Variants in PSMD6 observed in about 807,000 individuals in gnomAD.
PSMD6 encodes the protein 26S proteasome non-ATPase regulatory subunit 6.
PSMD6 carries 7 observed loss-of-function variants against 44.9 expected under a neutral mutation model. That is an observed-to-expected ratio of 0.16 (90% CI 0.09 to 0.29). The LOEUF (loss-of-function observed/expected upper bound fraction) is 0.29. Among genes scored for constraint, PSMD6 ranks in the 10% least tolerant of loss-of-function variants. The pLI is 1.00. For missense variants in PSMD6, 420 were observed against 482.6 expected (o/e 0.87, Z 1.21); for synonymous variants, 184 against 172.7 (o/e 1.07, Z -0.51).
chr3:64,015,548 G>C (rs1297760733), intron 5 of PSMD6: 1 of 152,142 alleles, frequency 6.6e-6, no homozygotes, highest in African/African-American at 2.4e-5. Context: ...GTTAGTACAC[G>C]ATAGCCACTC....
At chr3:64,023,954 C>G (rs2076176774), upstream of PSMD6, 2 of 733,258 alleles carry the variant, frequency 2.7e-6, no homozygotes, top group Non-Finnish European at 4.2e-6. Context: ...ACAGCCATGT[C>G]GCAAGGCCTA....
intron 6 of PSMD6, chr3:64,011,970 T>G (rs1482925428): frequency 6.6e-6 from 1 of 152,196 alleles, no homozygotes; most frequent in Admixed American, 6.5e-5. Flanking sequence ...TTAAGAGTGG[T>G]CATCAGACTT....
Position 64,010,863 on chromosome 3 carries a change from G to A in PSMD6, c.1073+15C>T, listed in dbSNP as rs752982040. ...AAAATTTAGGAATGCCCCTTATTCT[G>A]AGAAATGAGAGTACCTGTTGGTTTC... is the stretch of plus-strand genomic sequence containing the variant. On this transcript the variant is annotated intron_variant, in intron 7 of 7. Transcript: ENST00000295901. 3.1e-6 allele frequency: 5 copies of A among 1,596,270 alleles called. No homozygotes were observed. In the South Asian group the frequency reaches 5.6e-5, roughly 18 times the overall value.
intron 2 of PSMD6, among the ~76,000 whole-genome samples, chr3:64,021,643 T>C (rs1258166060): frequency 1.3e-5 from 2 of 152,060 alleles, no homozygotes; most frequent in East Asian, 1.9e-4. Context: ...ATCCAGTCTC[T>C]ACTAATAATA....
In PSMD6 at chr3:64,018,042, G is replaced by A. The variant is rs138256387; in HGVS notation, c.826+557C>T. 7.7e-3 allele frequency among the ~76,000 whole-genome samples: 1,172 copies of A among 152,252 alleles called. 9 individuals are homozygous for A. Among genetic ancestry groups the A allele is most frequent in the Middle Eastern group, 0.017 (5 of 294 alleles). ...ACTAGCTTTGAAGGAATACAATTAC[G>A]TTCAAGAGATTATTTTCTTAACCCA... is the stretch of plus-strand genomic sequence containing the variant. On this transcript the variant is annotated intron_variant, in intron 5 of 7. Coordinates refer to ENST00000295901, the MANE Select transcript of PSMD6 (RefSeq NM_014814.3).
In PSMD6 at chr3:64,018,932, G is replaced by A. The variant is rs147041514; in HGVS notation, c.603C>T (p.Phe201=). The A allele has an allele frequency of 1.5e-5, 24 of 1,604,276 alleles. No individual in the cohort carries two copies. The African/African-American group carries it at 2.9e-4, about 20-fold the overall frequency. The change falls in exon 4 of 8, where the codon TTC becomes TTT. Residue 201 remains phenylalanine, a synonymous_variant. Coordinates refer to ENST00000295901, the MANE Select transcript of PSMD6 (RefSeq NM_014814.3). ...ATGTAAATGTTGAAACAGTGTCAAGGAAGAGTTCAGCTGCCTGTTTGAAAT... is the reference window on the plus strand; with the variant it reads ...ATGTAAATGTTGAAACAGTGTCAAGAAAGAGTTCAGCTGCCTGTTTGAAAT... ...IRDFKQAAEL[F]LDTVSTFTSY... is the part of the protein sequence containing the mutation.
intron 1 of PSMD6, 129 bp downstream of exon 1, chr3:64,023,143 GAGA>G: frequency 7.0e-7 from 1 of 1,424,176 alleles, no homozygotes. Flanking sequence ...CTAAGGGCCG[GAGA>G]AGCCAGGCCT....
chr3:64,017,745 A>G, intron 5 of PSMD6: 1 of 152,248 alleles, frequency 6.6e-6, no homozygotes, highest in East Asian at 1.9e-4. Flanking sequence ...AACCCACTGC[A>G]AAAACATTAA....
intron 1 of PSMD6, chr3:64,023,048 T>G: frequency 7.0e-7 from 1 of 1,427,928 alleles, no homozygotes; most frequent in Non-Finnish European, 9.1e-7. Context: ...AAGCTGCCCT[T>G]ACAGGGGAAG....
chr3:64,019,233 TA>T, intron 3 of PSMD6, 62 bp downstream of exon 3: 1 of 1,509,878 alleles, frequency 6.6e-7, no homozygotes, highest in Non-Finnish European at 9.1e-7. Flanking sequence ...CAGTTTCTTA[TA>T]TCAGCTTCTC....
At chr3:64,023,038 A>C (rs2076157639) in intron 1 of PSMD6, 2 of 1,425,860 alleles carry the variant, frequency 1.4e-6, no homozygotes, top group African/African-American at 2.9e-5. Flanking sequence ...ATTCTCCCCC[A>C]AGCTGCCCTT....
chr3:64,023,575 A>C (rs1331405834), upstream of PSMD6: 67 of 1,413,746 alleles, frequency 4.7e-5, no homozygotes, highest in East Asian at 1.6e-3. Context: ...ACCTCCGGGA[A>C]CGCCTCACCC....
rs1227151897 is a variant in PSMD6, at chr3:64,022,459, G to A, written c.210C>T (p.Leu70=). 1.2e-6 allele frequency: 2 copies of A among 1,614,020 alleles called. No individual in the cohort carries two copies. The highest frequency in any genetic ancestry group is 1.1e-5 in the South Asian group (1 of 91,070). ...CTTCATTTGCCTTCTTCATTTTATT[G>A]AGTAGGTCCACGTCTATCTGCCAGT... is the stretch of plus-strand genomic sequence containing the variant. ...SLDWQIDVDL[L]NKMKKANEDE... The change falls in exon 2 of 8, where the codon CTC becomes CTT. Residue 70 remains leucine (L), a synonymous_variant. Coordinates refer to ENST00000295901, the MANE Select transcript of PSMD6 (RefSeq NM_014814.3).
rs2106866314 is a variant in PSMD6, at chr3:64,018,994, T to C, written c.541A>G (p.Lys181Glu). 2 of 1,612,674 alleles carry C rather than the reference T, an allele frequency of 1.2e-6. No individual in the cohort carries two copies. The highest frequency in any genetic ancestry group is 1.7e-6 in the Non-Finnish European group (2 of 1,178,686). Residue 181 changes from lysine (K) to glutamate (E), a missense_variant, in exon 4 of 8, where the codon AAA becomes GAA. Physicochemically the swap from Lys to Glu is moderately conservative, Grantham distance 56 (BLOSUM62 1). Transcript: ENST00000295901. The part of the protein sequence containing the change: ...GGDWDRRNRL[K>E]VYQGLYCVAI... ...ACACAATAAAGACCCTGATACACTT[T>C]TAGGCGGTTTCTCCTGTCCCAGTCT...
chr3:64,014,306 G>A (rs1214174897), intron 5 of PSMD6: 1 of 152,064 alleles, frequency 6.6e-6, no homozygotes, highest in Non-Finnish European at 1.5e-5. Flanking sequence ...TAGTTATATG[G>A]CAGTGAACCA....
chr3:64,023,558 G>A, upstream of PSMD6: 1 of 1,420,476 alleles, frequency 7.0e-7, no homozygotes, highest in Non-Finnish European at 9.2e-7. Context: ...AGCGTCCTCT[G>A]CTGGACACCT....
chr3:64,013,575 G>A lies in PSMD6; in HGVS notation c.859C>T (p.Leu287Phe), dbSNP rs748797349. 6.2e-7 allele frequency: 1 copy of A among 1,610,008 alleles called. No individual in the cohort carries two copies. Among genetic ancestry groups the A allele is most frequent in the Non-Finnish European group, 8.5e-7 (1 of 1,178,760 alleles). Residue 287 changes from leucine (L) to phenylalanine (F), a missense_variant, in exon 6 of 8, where the codon CTT becomes TTT. Physicochemically the swap from Leu to Phe is conservative, Grantham distance 22. Around this residue, in one of 4 missense-constraint regions of PSMD6, gnomAD observed 216 missense variants for 227.0 expected, o/e 0.95. Coordinates refer to ENST00000295901, the MANE Select transcript of PSMD6 (RefSeq NM_014814.3). ...VVEQEMKKDW[L>F]FAPHYRYYVR... ...TAGTATCGATAATGAGGGGCAAAAAGCCAGTCCTTTTTCATTTCCTGTTCC... is the reference window on the plus strand; with the variant it reads ...TAGTATCGATAATGAGGGGCAAAAAACCAGTCCTTTTTCATTTCCTGTTCC...
chr3:64,023,010 A>G, intron 1 of PSMD6: 2 of 1,418,272 alleles, frequency 1.4e-6, no homozygotes, highest in East Asian at 2.5e-5. Flanking sequence ...GCACAGGGGT[A>G]AATATTAATG....
Position 64,013,463 on chromosome 3 carries a change from C to A in PSMD6, c.971G>T (p.Gly324Val). Reference sequence around the variant, plus strand: ...CTGATCAATGAATTCCACACCAACACCAAACGCTTCTGCCATATAGCCAAG... The same window carrying A: ...CTGATCAATGAATTCCACACCAACAACAAACGCTTCTGCCATATAGCCAAG... The part of the protein sequence containing the change: ...LTLGYMAEAF[G>V]VGVEFIDQEL... The change falls in exon 6 of 8, where the codon GGT (glycine) becomes GTT (valine). Residue 324 changes from glycine (G) to valine (V), a missense_variant. Gly to Val is a moderately radical substitution (Grantham distance 109, BLOSUM62 -3). Transcript: ENST00000295901. The A allele has an allele frequency of 1.3e-6, 2 of 1,593,532 alleles. No individual in the cohort carries two copies. The highest frequency in any genetic ancestry group is 1.7e-6 in the Non-Finnish European group (2 of 1,172,244).
Sources: gnomAD v4.1 joint callset for allele counts (sites outside exome capture counted in the v4.1 genomes callset) on GRCh38, gnomAD v4.1.1 for gene constraint, gnomAD v4.1.1 regional missense constraint, MANE v1.5 for transcripts, NCBI Gene and HGNC (gene_info 2026-07-23, HGNC 2026-07-21) for gene names.